The following DPYD variants were observed in gnomAD, a reference collection of about 807,000 sequenced individuals.
The protein encoded by DPYD is dihydropyrimidine dehydrogenase.
DPYD carries 109 observed loss-of-function variants against 116.2 expected under a neutral mutation model. The ratio of observed to expected loss-of-function variants is 0.94; its 90% CI spans 0.80 to 1.10. DPYD has a LOEUF of 1.10. Ranked by LOEUF, DPYD falls within the 50% of genes least tolerant of loss-of-function variation. The pLI is 0.00. For missense variants in DPYD, 1,302 were observed against 1,254.5 expected (o/e 1.04, Z -0.57); for synonymous variants, 440 against 432.0 (o/e 1.02, Z -0.23).
Position 97,861,195 on chromosome 1 carries a change from T to C in DPYD, c.150+22069A>G, listed in dbSNP as rs144049555. Among the ~76,000 whole-genome samples, 68 of 152,062 alleles carry C rather than the reference T, an allele frequency of 4.5e-4. 1 individual carries two copies. The highest frequency in any genetic ancestry group is 1.6e-3 in the African/African-American group (65 of 41,554). ...TTTTGTACTAGTAAAAGAAATTCAATACATGGATAGTGGATATCTTAAAAG... is the reference window on the plus strand; with the variant it reads ...TTTTGTACTAGTAAAAGAAATTCAACACATGGATAGTGGATATCTTAAAAG... On this transcript the variant is annotated intron_variant, in intron 2 of 22. Coordinates refer to ENST00000370192, the MANE Select transcript of DPYD (RefSeq NM_000110.4).
chr1:97,578,116 G>A (rs1653396361), intron 10 of DPYD, among the ~76,000 whole-genome samples: 1 of 152,016 alleles, frequency 6.6e-6, no homozygotes, highest in Admixed American at 6.6e-5. Context: ...AAAGTACTGG[G>A]AATACAGGCG....
At chr1:97,869,345 AT>A (rs1671548008) in intron 2 of DPYD, among the ~76,000 whole-genome samples, 1 of 151,810 alleles carries the variant, frequency 6.6e-6, no homozygotes. Flanking sequence ...AGAATTTGTG[AT>A]AAATATTCCT....
intron 3 of DPYD, among the ~76,000 whole-genome samples, chr1:97,754,503 G>A (rs1665121904): frequency 6.6e-6 from 1 of 152,162 alleles, no homozygotes; most frequent in Non-Finnish European, 1.5e-5. Flanking sequence ...ATTTAAGAAA[G>A]CTGAATGAAA....
At chr1:97,592,426 G>C (rs1034558146) in intron 10 of DPYD, among the ~76,000 whole-genome samples, 1 of 152,130 alleles carries the variant, frequency 6.6e-6, no homozygotes, top group African/African-American at 2.4e-5. Context: ...GAGTGCAGTG[G>C]CACGATCTGG....
intron 6 of DPYD, among the ~76,000 whole-genome samples, chr1:97,693,356 C>T (rs145331486): frequency 0.011 from 1,410 of 130,120 alleles, 15 homozygotes; most frequent in Middle Eastern, 0.028. Context: ...ACCATAAAAT[C>T]AAAGCTGTAC....
At chr1:97,201,979 G>C (rs1003304409) in intron 19 of DPYD, among the ~76,000 whole-genome samples, 6 of 151,668 alleles carry the variant, frequency 4.0e-5, no homozygotes, top group Non-Finnish European at 8.8e-5. Context: ...CCCCCAAAAG[G>C]AGAGGGCTTA....
At chr1:97,403,537 G>A (rs1673485789) in intron 14 of DPYD, among the ~76,000 whole-genome samples, 1 of 152,026 alleles carries the variant, frequency 6.6e-6, no homozygotes, top group Non-Finnish European at 1.5e-5. Context: ...TCCTGTGTGA[G>A]TTTTGGCAGT....
chr1:97,547,795 C>T (rs1440606857), intron 12 of DPYD, among the ~76,000 whole-genome samples: 1 of 152,088 alleles, frequency 6.6e-6, no homozygotes, highest in Non-Finnish European at 1.5e-5. Context: ...ATCCTCCCAC[C>T]TCAGTCTCCC....
intron 21 of DPYD, among the ~76,000 whole-genome samples, chr1:97,082,774 C>T (rs1649251359): frequency 6.6e-6 from 1 of 151,970 alleles, no homozygotes; most frequent in Non-Finnish European, 1.5e-5. Flanking sequence ...AAATGACACC[C>T]GTGTGAGTTG....
At chr1:97,533,141 A>T (rs1468984618) in intron 12 of DPYD, among the ~76,000 whole-genome samples, 2 of 149,188 alleles carry the variant, frequency 1.3e-5, no homozygotes, top group Non-Finnish European at 1.5e-5. Context: ...TGATTCAATC[A>T]CCCCCCACCA....
chr1:97,457,236 C>G (rs1676738638), intron 13 of DPYD, among the ~76,000 whole-genome samples: 1 of 152,024 alleles, frequency 6.6e-6, no homozygotes, highest in Non-Finnish European at 1.5e-5. Context: ...TGCTATATGC[C>G]AAGGAAGGAG....
At chr1:97,373,772 C>G in intron 15 of DPYD, 128 bp from the exon 16 acceptor site, 1 of 777,920 alleles carries the variant, frequency 1.3e-6, no homozygotes, top group East Asian at 2.8e-5. Flanking sequence ...TCACAGCTAT[C>G]TTGTGAGGTA....
At chr1:97,890,539 A>G (rs140016374) in intron 1 of DPYD, among the ~76,000 whole-genome samples, 1 of 152,030 alleles carries the variant, frequency 6.6e-6, no homozygotes, top group African/African-American at 2.4e-5. Flanking sequence ...TACTAACAGG[A>G]CCTATTTTAC....
At chr1:97,450,674 G>A (rs927616903) in intron 13 of DPYD, among the ~76,000 whole-genome samples, 7 of 151,474 alleles carry the variant, frequency 4.6e-5, no homozygotes, top group Non-Finnish European at 8.8e-5. Flanking sequence ...AAGTAACTCC[G>A]ATGTAAATCA....
intron 8 of DPYD, among the ~76,000 whole-genome samples, chr1:97,649,985 T>G (rs1658490997): frequency 6.6e-6 from 1 of 151,420 alleles, no homozygotes; most frequent in South Asian, 2.1e-4. Flanking sequence ...GCCGACAGAG[T>G]AATTCTTTTT....
At chr1:97,413,122 G>T (rs2101673390) in intron 14 of DPYD, among the ~76,000 whole-genome samples, 1 of 152,294 alleles carries the variant, frequency 6.6e-6, no homozygotes, top group South Asian at 2.1e-4. Flanking sequence ...CAAAAAGTAT[G>T]AAAGCAAAAC....
chr1:97,135,182 C>T (rs565209913), intron 20 of DPYD, among the ~76,000 whole-genome samples: 237 of 152,170 alleles, frequency 1.6e-3, no homozygotes, highest in African/African-American at 5.4e-3. Flanking sequence ...TAATCCTTAG[C>T]TTTCACTAAA....
intron 3 of DPYD, among the ~76,000 whole-genome samples, chr1:97,786,965 T>A (rs918918903): frequency 6.6e-6 from 1 of 152,196 alleles, no homozygotes; most frequent in East Asian, 1.9e-4. Flanking sequence ...AGTTAGCCAT[T>A]GCTTCATATT....
chr1:97,477,659 G>A (rs997306062), intron 13 of DPYD, among the ~76,000 whole-genome samples: 10 of 144,712 alleles, frequency 6.9e-5, no homozygotes, highest in Admixed American at 2.8e-4. Context: ...TGTCGCCCAG[G>A]CCGGACTGCG....
Sources: gnomAD v4.1 joint callset for allele counts (sites outside exome capture counted in the v4.1 genomes callset) on GRCh38, gnomAD v4.1.1 for gene constraint, MANE v1.5 for transcripts, NCBI Gene and HGNC (gene_info 2026-07-23, HGNC 2026-07-21) for gene names.